The following RPS6KC1 variants were observed in gnomAD, a reference collection of about 807,000 sequenced individuals.
RPS6KC1 encodes the protein inactive ribosomal protein S6 kinase delta-1.
RPS6KC1 carries 54 observed loss-of-function variants against 103.8 expected under a neutral mutation model. The observed-to-expected ratio is 0.52, with a 90% CI of 0.42 to 0.65. The LOEUF is 0.65. Ranked by LOEUF, RPS6KC1 falls within the 30% of genes least tolerant of loss-of-function variation. The probability of loss-of-function intolerance (pLI) is 0.00; values close to 1 mark genes in which losing one functional copy is unlikely to be tolerated. For synonymous variants in RPS6KC1, 439 were observed against 438.7 expected (o/e 1.00, Z -0.01); for missense variants, 1,151 against 1,253.8 (o/e 0.92, Z 1.24).
At chr1:213,331,830 T>G in the RPS6KC1 span, among the ~76,000 whole-genome samples, 1 of 152,172 alleles carries the variant, frequency 6.6e-6, no homozygotes, top group African/African-American at 2.4e-5. Context: ...TCCCCGCAGC[T>G]GAGCTCATGG....
At chr1:213,412,024 T>C in the RPS6KC1 span, among the ~76,000 whole-genome samples, 5 of 152,230 alleles carry the variant, frequency 3.3e-5, no homozygotes, top group African/African-American at 1.2e-4. Flanking sequence ...TCACTTCCAA[T>C]GTTCCCACTT....
the RPS6KC1 span, among the ~76,000 whole-genome samples, chr1:213,658,585 G>C: frequency 1.3e-5 from 2 of 152,178 alleles, no homozygotes; most frequent in African/African-American, 4.8e-5. Context: ...CCTTGGTCAT[G>C]GGCAATAGAT....
the RPS6KC1 span, among the ~76,000 whole-genome samples, chr1:213,691,194 G>A: frequency 1.3e-5 from 2 of 152,170 alleles, no homozygotes; most frequent in Non-Finnish European, 2.9e-5. Flanking sequence ...ATCTTTTGCT[G>A]TGCCGAGCCA....
At chr1:213,074,753 A>G (rs918197313) in intron 2 of RPS6KC1, among the ~76,000 whole-genome samples, 1 of 150,826 alleles carries the variant, frequency 6.6e-6, no homozygotes, top group Non-Finnish European at 1.5e-5. Flanking sequence ...TTCATATACC[A>G]TGGTATTTTA....
chr1:213,272,595 A>AT lies in RPS6KC1; in HGVS notation c.3168dup (p.Thr1057TyrfsTer22), dbSNP rs775247030. ...GTGTTGAAGATATCAAATCTCATCC[A>AT]TTTTTTACCCCTGTGGATTGGGCAG... On this transcript the variant is annotated frameshift_variant, in exon 15 of 15. Transcript: ENST00000366960. LOFTEE classifies it high-confidence loss of function. 10 of 1,613,652 alleles carry AT rather than the reference A, an allele frequency of 6.2e-6. No homozygotes were observed. Among genetic ancestry groups the AT allele is most frequent in the Non-Finnish European group, 8.5e-7 (1 of 1,179,844 alleles).
chr1:213,556,608 C>T, the RPS6KC1 span, among the ~76,000 whole-genome samples: 1 of 152,200 alleles, frequency 6.6e-6, no homozygotes, highest in African/African-American at 2.4e-5. Flanking sequence ...AATTGCTGGG[C>T]TTCCCTGGAG....
chr1:213,081,106 A>G (rs2079838395), intron 3 of RPS6KC1, among the ~76,000 whole-genome samples: 1 of 152,180 alleles, frequency 6.6e-6, no homozygotes, highest in South Asian at 2.1e-4. Flanking sequence ...ATAGCCTCCT[A>G]TGATTCTTTT....
At chr1:213,437,657 C>T in the RPS6KC1 span, among the ~76,000 whole-genome samples, 1 of 151,806 alleles carries the variant, frequency 6.6e-6, no homozygotes, top group Non-Finnish European at 1.5e-5. Flanking sequence ...AATAGATACA[C>T]ACTATTCAGA....
chr1:213,075,809 CTCT>C (rs2079282934), intron 2 of RPS6KC1, among the ~76,000 whole-genome samples: 1 of 152,166 alleles, frequency 6.6e-6, no homozygotes. Flanking sequence ...TAGCATCTCA[CTCT>C]TCTTTTAGAA....
chr1:213,389,394 C>A, the RPS6KC1 span, among the ~76,000 whole-genome samples: 5 of 152,334 alleles, frequency 3.3e-5, no homozygotes, highest in Admixed American at 6.5e-5. Flanking sequence ...GCAGAGGAGG[C>A]AGCGCGGGCA....
At chr1:213,413,171 T>C in the RPS6KC1 span, among the ~76,000 whole-genome samples, 1 of 152,354 alleles carries the variant, frequency 6.6e-6, no homozygotes, top group Non-Finnish European at 1.5e-5. Context: ...TTATGGGATA[T>C]ATGTGATATT....
chr1:213,625,432 C>CT, the RPS6KC1 span, among the ~76,000 whole-genome samples: 96,930 of 150,700 alleles, frequency 0.64, 31,298 homozygotes, highest in African/African-American at 0.74. Flanking sequence ...TCTTGGGGCT[C>CT]TTTTTTTTTA....
chr1:213,258,225 G>A (rs1015923964), intron 12 of RPS6KC1, among the ~76,000 whole-genome samples: 1 of 151,878 alleles, frequency 6.6e-6, no homozygotes, highest in Non-Finnish European at 1.5e-5. Context: ...TCATGATCTG[G>A]CCTCCCAAGT....
the RPS6KC1 span, among the ~76,000 whole-genome samples, chr1:213,808,688 T>C: frequency 6.6e-6 from 1 of 152,264 alleles, no homozygotes; most frequent in Non-Finnish European, 1.5e-5. Context: ...CTGTCACCCC[T>C]TTCTTTGACT....
the RPS6KC1 span, among the ~76,000 whole-genome samples, chr1:213,280,675 GTA>G: frequency 6.6e-6 from 1 of 152,180 alleles, no homozygotes. Flanking sequence ...GGTTAAGTGT[GTA>G]TGTGTGGGGT....
chr1:213,201,407 C>G (rs2093158536), intron 8 of RPS6KC1, among the ~76,000 whole-genome samples: 1 of 152,064 alleles, frequency 6.6e-6, no homozygotes, highest in Non-Finnish European at 1.5e-5. Flanking sequence ...AAAAGGCAAA[C>G]CCATGGAGAC....
intron 8 of RPS6KC1, among the ~76,000 whole-genome samples, chr1:213,200,636 A>G (rs2093127812): frequency 6.6e-6 from 1 of 152,222 alleles, no homozygotes; most frequent in South Asian, 2.1e-4. Context: ...GACAAATGGG[A>G]TCTATTTAAA....
chr1:213,858,827 T>A, the RPS6KC1 span, among the ~76,000 whole-genome samples: 1 of 152,184 alleles, frequency 6.6e-6, no homozygotes, highest in African/African-American at 2.4e-5. Flanking sequence ...ACATGCCCCC[T>A]ACAGGAGGCT....
At chr1:213,728,937 G>GTTTTTTTTTTTTTTTTTTTTTTTTTTT in the RPS6KC1 span, among the ~76,000 whole-genome samples, 7 of 93,436 alleles carry the variant, frequency 7.5e-5, 1 homozygote, top group African/African-American at 9.5e-5. Context: ...GAACATGAGG[G>GTTTTTTTTTTTTTTTTTTTTTTTTTTT]TTTTTTTTTT....
Sources: allele counts gnomAD v4.1 joint callset (sites outside exome capture counted in the v4.1 genomes callset), GRCh38; gene constraint gnomAD v4.1.1; transcripts MANE v1.5; gene names NCBI Gene and HGNC (gene_info 2026-07-23, HGNC 2026-07-21).